The following CDKAL1 variants were observed in gnomAD, a reference collection of about 807,000 sequenced individuals.
CDKAL1 encodes CDKAL1 threonylcarbamoyladenosine tRNA methylthiotransferase, also known as threonylcarbamoyladenosine tRNA methylthiotransferase.
In CDKAL1, 32 loss-of-function variants were observed where a neutral mutation model predicts 68.2. The observed-to-expected ratio is 0.47, with a 90% CI of 0.35 to 0.63. The LOEUF (loss-of-function observed/expected upper bound fraction) is 0.63, where lower values mean the gene tolerates loss of function less well. Ranked by LOEUF, CDKAL1 falls within the 30% of genes least tolerant of loss-of-function variation. The pLI is 0.00. For synonymous variants in CDKAL1, 234 were observed against 244.3 expected, an observed-to-expected ratio of 0.96 and a Z score of 0.39; for missense variants, 606 against 696.7, an observed-to-expected ratio of 0.87 and a Z score of 1.47.
intron 4 of CDKAL1, among the ~76,000 whole-genome samples, chr6:20,552,151 C>A (rs1763860214): frequency 6.6e-6 from 1 of 151,732 alleles, no homozygotes. Context: ...AGTTTGAGAC[C>A]AGTGTTGGCA....
chr6:20,816,299 G>GTAA (rs1296071600), intron 8 of CDKAL1, among the ~76,000 whole-genome samples: 2 of 152,128 alleles, frequency 1.3e-5, no homozygotes, highest in Non-Finnish European at 2.9e-5. Flanking sequence ...ACCCAATACA[G>GTAA]CATTCTATTG....
chr6:20,823,863 T>A (rs1777389815), intron 8 of CDKAL1, among the ~76,000 whole-genome samples: 1 of 152,096 alleles, frequency 6.6e-6, no homozygotes. Flanking sequence ...TAGAATGATG[T>A]CTTTTGCTTC....
At chr6:20,613,975 T>C (rs1026988231) in intron 4 of CDKAL1, among the ~76,000 whole-genome samples, 1 of 142,220 alleles carries the variant, frequency 7.0e-6, no homozygotes, top group African/African-American at 2.4e-5. Context: ...CATAGTTCTA[T>C]GTATCATGAG....
intron 12 of CDKAL1, 99 bp downstream of exon 12, chr6:21,065,327 T>G (rs904130216): frequency 3.3e-6 from 3 of 917,684 alleles, no homozygotes; most frequent in Admixed American, 2.8e-5. Context: ...TTATAACCCT[T>G]AAATTACAAA....
chr6:20,568,235 C>T (rs893133302), intron 4 of CDKAL1, among the ~76,000 whole-genome samples: 28 of 152,018 alleles, frequency 1.8e-4, no homozygotes, highest in Admixed American at 2.6e-4. Flanking sequence ...CCCAGGCTCT[C>T]CTCCAACTCC....
chr6:20,908,142 C>T (rs942852261), intron 9 of CDKAL1, among the ~76,000 whole-genome samples: 7 of 152,138 alleles, frequency 4.6e-5, no homozygotes, highest in African/African-American at 4.8e-5. Flanking sequence ...AACAAACTAC[C>T]GCAATGTGGA....
chr6:20,627,231 A>T (rs1767472749), intron 4 of CDKAL1, among the ~76,000 whole-genome samples: 1 of 152,156 alleles, frequency 6.6e-6, no homozygotes, highest in South Asian at 2.1e-4. Context: ...TAGAACTAAG[A>T]AGACAAATAT....
Position 20,604,622 on chromosome 6 carries a change from G to A in CDKAL1, c.287-44671G>A, listed in dbSNP as rs6939917. On this transcript the variant is annotated intron_variant, in intron 4 of 15. Transcript: ENST00000274695. ...GCAAAGAAGGTGCGGCTATGGGCTC[G>A]TGCTCTTGGAATTAACTGGTCTTGC... 5.9e-3 allele frequency among the ~76,000 whole-genome samples: 902 copies of A among 152,258 alleles called. 9 individuals are homozygous for A. The highest frequency in any genetic ancestry group is 0.021 in the African/African-American group (865 of 41,544).
intron 7 of CDKAL1, among the ~76,000 whole-genome samples, chr6:20,779,847 A>G (rs980562184): frequency 6.6e-6 from 1 of 152,100 alleles, no homozygotes; most frequent in African/African-American, 2.4e-5. Flanking sequence ...AGGTGTGAGC[A>G]ACCATGCCTG....
At chr6:20,934,319 C>T (rs762254224) in intron 9 of CDKAL1, among the ~76,000 whole-genome samples, 1 of 152,194 alleles carries the variant, frequency 6.6e-6, no homozygotes, top group Non-Finnish European at 1.5e-5. Context: ...TGACACTAGA[C>T]AGTGCTACAG....
intron 11 of CDKAL1, among the ~76,000 whole-genome samples, chr6:21,031,141 A>G (rs1769262763): frequency 6.6e-6 from 1 of 151,940 alleles, no homozygotes; most frequent in African/African-American, 2.4e-5. Flanking sequence ...TCCCAAGCTC[A>G]CTGGTTGTTG....
At chr6:20,794,493 G>A (rs1459143880) in intron 8 of CDKAL1, among the ~76,000 whole-genome samples, 2 of 152,058 alleles carry the variant, frequency 1.3e-5, no homozygotes, top group African/African-American at 4.8e-5. Flanking sequence ...TTAATTAGGG[G>A]TAGACTTTGT....
intron 13 of CDKAL1, among the ~76,000 whole-genome samples, chr6:21,143,135 C>A (rs9348456): frequency 0.12 from 17,607 of 152,194 alleles, 1,243 homozygotes; most frequent in East Asian, 0.29. Flanking sequence ...CCTAATCCTT[C>A]TCTCTGAATT....
intron 9 of CDKAL1, among the ~76,000 whole-genome samples, chr6:20,902,140 T>C (rs930414148): frequency 2.0e-5 from 3 of 152,214 alleles, no homozygotes; most frequent in Non-Finnish European, 2.9e-5. Flanking sequence ...GTTGGAAATG[T>C]TGAACTTTAT....
rs548170724 is a variant in CDKAL1, at chr6:20,669,177, A to G, written c.371+19800A>G. Among the ~76,000 whole-genome samples the G allele has an allele frequency of 5.9e-5, 9 of 152,224 alleles. No individual in the cohort carries two copies. The South Asian group carries it at 1.2e-3, about 21-fold the overall frequency. On this transcript the variant is annotated intron_variant, in intron 5 of 15. Transcript: ENST00000274695. ...TTCTTTGGTACTGTGCACATATCCT[A>G]TTTCTCATCATGCTCTCACCATTAT...
At chr6:21,164,221 T>C (rs184503127) in intron 13 of CDKAL1, among the ~76,000 whole-genome samples, 3 of 152,196 alleles carry the variant, frequency 2.0e-5, no homozygotes, top group East Asian at 1.9e-4. Context: ...ATTGTGATCA[T>C]AGATTTGAAA....
chr6:20,790,074 G>A (rs1020020500), intron 8 of CDKAL1, among the ~76,000 whole-genome samples: 1 of 152,158 alleles, frequency 6.6e-6, no homozygotes, highest in Non-Finnish European at 1.5e-5. Context: ...GGGATTACAG[G>A]TGTGAGCCAC....
intron 11 of CDKAL1, among the ~76,000 whole-genome samples, chr6:21,050,827 G>A (rs955506524): frequency 1.3e-5 from 2 of 152,100 alleles, no homozygotes; most frequent in African/African-American, 2.4e-5. Context: ...CTTGGAGGTG[G>A]GGTTTCACTG....
intron 9 of CDKAL1, among the ~76,000 whole-genome samples, chr6:20,941,096 GAAA>G (rs68174523): frequency 8.8e-6 from 1 of 113,600 alleles, no homozygotes; most frequent in Non-Finnish European, 2.0e-5. Flanking sequence ...ATCTCAAAAA[GAAA>G]AAAAAAAAAA....
Sources: allele counts gnomAD v4.1 joint callset (sites outside exome capture counted in the v4.1 genomes callset), GRCh38; gene constraint gnomAD v4.1.1; transcripts MANE v1.5; gene names NCBI Gene and HGNC (gene_info 2026-07-23, HGNC 2026-07-21).